KCNJ6: variants seen among roughly 807,000 people sequenced by gnomAD.
KCNJ6 encodes potassium inwardly rectifying channel subfamily J member 6, also known as G protein-activated inward rectifier potassium channel 2.
A neutral mutation model predicts 34.2 loss-of-function variants in KCNJ6; 9 were observed. That is an observed-to-expected ratio of 0.26 (90% confidence interval 0.16 to 0.46). The LOEUF is 0.46. KCNJ6 is among the 20% of genes least tolerant of loss of function. KCNJ6 has a pLI of 1.00. For synonymous variants in KCNJ6, 196 were observed against 207.1 expected, an observed-to-expected ratio of 0.95 and a Z score of 0.46; for missense variants, 236 against 531.3, an observed-to-expected ratio of 0.44 and a Z score of 5.46.
At chr21:37,646,780 C>G (rs1001562012) in intron 3 of KCNJ6, among the ~76,000 whole-genome samples, 2 of 151,826 alleles carry the variant, frequency 1.3e-5, no homozygotes, top group Admixed American at 1.3e-4. Flanking sequence ...ACGGCATTCT[C>G]CTGCCTCAGC....
chr21:37,661,812 T>C (rs1481112189), intron 3 of KCNJ6, among the ~76,000 whole-genome samples: 1 of 150,098 alleles, frequency 6.7e-6, no homozygotes, highest in African/African-American at 2.5e-5. Context: ...TTTTTTTTAG[T>C]ACAGACGGGG....
At chr21:37,735,511 T>G (rs2054908168) in intron 2 of KCNJ6, among the ~76,000 whole-genome samples, 1 of 152,196 alleles carries the variant, frequency 6.6e-6, no homozygotes, top group South Asian at 2.1e-4. Flanking sequence ...CCCTTCTCAC[T>G]GAAGCTCTCA....
At chr21:37,781,413 T>C (rs1381053352) in intron 2 of KCNJ6, among the ~76,000 whole-genome samples, 1 of 152,196 alleles carries the variant, frequency 6.6e-6, no homozygotes, top group African/African-American at 2.4e-5. Context: ...TTTGCATTCT[T>C]GACACAGGAA....
intron 2 of KCNJ6, among the ~76,000 whole-genome samples, chr21:37,763,842 C>T (rs1294623949): frequency 6.6e-6 from 1 of 152,046 alleles, no homozygotes; most frequent in East Asian, 1.9e-4. Context: ...GGAGATAAAC[C>T]TAATGTAAAT....
chr21:37,726,810 G>A (rs2054857363), intron 2 of KCNJ6, among the ~76,000 whole-genome samples: 1 of 152,208 alleles, frequency 6.6e-6, no homozygotes, highest in Non-Finnish European at 1.5e-5. Context: ...GCTGCATAGA[G>A]CTACTGGGAG....
intron 3 of KCNJ6, among the ~76,000 whole-genome samples, chr21:37,655,215 GT>G (rs758717771): frequency 0.11 from 3,784 of 35,386 alleles, 169 homozygotes; most frequent in Admixed American, 0.13. Context: ...GTGTGTGTGT[GT>G]GTGTGTGTGA....
intron 1 of KCNJ6, among the ~76,000 whole-genome samples, chr21:37,893,214 T>G (rs1188651956): frequency 1.3e-5 from 2 of 151,500 alleles, no homozygotes; most frequent in Non-Finnish European, 2.9e-5. Context: ...CCCCTATTTT[T>G]TTCTTTTTTT....
Position 37,623,589 on chromosome 21 carries a change from C to T in KCNJ6, c.*1570G>A, listed in dbSNP as rs1170168393. On this transcript the variant is annotated 3_prime_UTR_variant, in exon 4 of 4. Coordinates refer to ENST00000609713, the MANE Select transcript of KCNJ6 (RefSeq NM_002240.5). ...TTTTTCATTTTAAAATTCAGATTTC[C>T]AGTACAAATACCCTTCCTTCCTTCC... The T allele has an allele frequency of 6.6e-6, 1 of 152,190 alleles. No homozygotes were observed. The highest frequency in any genetic ancestry group is 1.9e-4 in the East Asian group (1 of 5,200). 9.4% of individuals were successfully genotyped at this position (152,190 alleles called of 1,614,324 possible). A position where few individuals can be genotyped will look rare whatever the true frequency, so the allele number is the denominator to read the frequency against.
At chr21:37,785,926 T>C (rs1297652321) in intron 2 of KCNJ6, among the ~76,000 whole-genome samples, 2 of 152,256 alleles carry the variant, frequency 1.3e-5, no homozygotes, top group African/African-American at 2.4e-5. Context: ...GAAGATGCTA[T>C]CTCTGAGTAA....
chr21:37,912,743 G>GTTT (rs2055872890), intron 1 of KCNJ6, among the ~76,000 whole-genome samples: 1 of 152,204 alleles, frequency 6.6e-6, no homozygotes, highest in South Asian at 2.1e-4. Context: ...GAAATAGATT[G>GTTT]CTCTGTCTTC....
chr21:37,913,377 G>A (rs905146109), intron 1 of KCNJ6, among the ~76,000 whole-genome samples: 7 of 152,184 alleles, frequency 4.6e-5, no homozygotes, highest in Non-Finnish European at 1.0e-4. Flanking sequence ...TTGCTCACAC[G>A]CAGGCTTGAA....
chr21:37,841,341 TAAG>T (rs1346963448), intron 1 of KCNJ6, among the ~76,000 whole-genome samples: 5 of 152,230 alleles, frequency 3.3e-5, no homozygotes, highest in Admixed American at 6.5e-5. Flanking sequence ...TTGGAGCTAT[TAAG>T]AATACTGGTC....
intron 2 of KCNJ6, among the ~76,000 whole-genome samples, chr21:37,774,931 T>G (rs2055135104): frequency 6.6e-6 from 1 of 152,234 alleles, no homozygotes; most frequent in Non-Finnish European, 1.5e-5. Context: ...CCACGCTGAC[T>G]TCCACAATGG....
intron 1 of KCNJ6, among the ~76,000 whole-genome samples, chr21:37,883,564 G>A (rs980090125): frequency 6.6e-5 from 10 of 152,170 alleles, no homozygotes; most frequent in Admixed American, 1.3e-4. Flanking sequence ...GGTGCCAGGC[G>A]GCGGGCACCG....
intron 3 of KCNJ6, among the ~76,000 whole-genome samples, chr21:37,672,066 C>A (rs1353012306): frequency 6.6e-6 from 1 of 152,006 alleles, no homozygotes; most frequent in Non-Finnish European, 1.5e-5. Flanking sequence ...CTTAATTGCT[C>A]TGGAGGGAAT....
intron 1 of KCNJ6, among the ~76,000 whole-genome samples, chr21:37,855,912 C>A (rs2055562711): frequency 6.6e-6 from 1 of 152,214 alleles, no homozygotes; most frequent in African/African-American, 2.4e-5. Context: ...CCAAGCACGG[C>A]CAGGGGCCTC....
At chr21:37,789,669 G>A (rs1444586379) in intron 2 of KCNJ6, among the ~76,000 whole-genome samples, 1 of 152,182 alleles carries the variant, frequency 6.6e-6, no homozygotes, top group African/African-American at 2.4e-5. Context: ...GTCTTCGACG[G>A]CATCCTTGCA....
chr21:37,905,131 G>C (rs1277897272), intron 1 of KCNJ6, among the ~76,000 whole-genome samples: 1 of 152,200 alleles, frequency 6.6e-6, no homozygotes, highest in Non-Finnish European at 1.5e-5. Context: ...CTTGGCTCAT[G>C]AGTGATTATC....
chr21:37,775,527 G>A (rs1195901681), intron 2 of KCNJ6, among the ~76,000 whole-genome samples: 1 of 152,126 alleles, frequency 6.6e-6, no homozygotes, highest in Non-Finnish European at 1.5e-5. Flanking sequence ...TAATTTTTGT[G>A]TAAGGTGTAA....
Sources: gnomAD v4.1 joint callset for allele counts (sites outside exome capture counted in the v4.1 genomes callset) on GRCh38, gnomAD v4.1.1 for gene constraint, MANE v1.5 for transcripts, NCBI Gene and HGNC (gene_info 2026-07-23, HGNC 2026-07-21) for gene names.